Variants in MAP1B observed in about 807,000 individuals in gnomAD.
The protein encoded by MAP1B is microtubule associated protein 1B, also known as microtubule-associated protein 1B.
In MAP1B, 12 loss-of-function variants were observed where a neutral mutation model predicts 176.1. The ratio of observed to expected loss-of-function variants is 0.07; its 90% CI spans 0.04 to 0.11. MAP1B has a LOEUF of 0.11. MAP1B is among the 10% of genes least tolerant of loss of function. The pLI is 1.00. For missense variants in MAP1B, 2,523 were observed against 2,990.5 expected (o/e 0.84, Z 3.65); for synonymous variants, 1,044 against 1,135.0 (o/e 0.92, Z 1.61).
At chr5:72,114,979 T>C (rs1183917525) in intron 1 of MAP1B, among the ~76,000 whole-genome samples, 1 of 152,162 alleles carries the variant, frequency 6.6e-6, no homozygotes, top group Non-Finnish European at 1.5e-5. Context: ...TTTCTTTGCC[T>C]CTGGATAAGA....
chr5:72,107,616 T>C lies in MAP1B; in HGVS notation c.85T>C (p.Ser29Pro), dbSNP rs1745108530. ...GGCGGCGTCCACCTCGCCTAGCCTG[T>C]CGCACCGCTTCCTTGACAGCAAGTT... ...NPAASTSPSLSHRFLDSKFYL... is the reference protein window; with the variant it reads ...NPAASTSPSLPHRFLDSKFYL... Residue 29 changes from serine to proline, a missense_variant, in exon 1 of 7, where the codon TCG (serine) becomes CCG (proline). Ser to Pro is a moderately conservative substitution (Grantham distance 74). This residue lies in a region of MAP1B where 307 missense variants were observed against 438.4 expected (regional missense o/e 0.70). Transcript: ENST00000296755. 6.3e-7 allele frequency: 1 copy of C among 1,599,412 alleles called. No individual in the cohort carries two copies. Among genetic ancestry groups the C allele is most frequent in the African/African-American group, 1.3e-5 (1 of 74,874 alleles).
At chr5:72,203,937 C>T (rs945555497) in intron 6 of MAP1B, 136 bp downstream of exon 6, 13 of 687,812 alleles carry the variant, frequency 1.9e-5, no homozygotes, top group Admixed American at 5.5e-5. Flanking sequence ...CTGTCACACA[C>T]GAAATATCCT....
intron 2 of MAP1B, among the ~76,000 whole-genome samples, chr5:72,180,965 G>A (rs545796181): frequency 5.3e-5 from 8 of 152,276 alleles, no homozygotes; most frequent in South Asian, 4.1e-4. Flanking sequence ...CAGGTGACCC[G>A]GGTCCAAATC....
In MAP1B at chr5:72,183,762, C is replaced by A. The variant is rs745876488; in HGVS notation, c.306C>A (p.His102Gln). The A allele has an allele frequency of 3.1e-6, 5 of 1,613,964 alleles. No homozygotes were observed. In the Admixed American group the frequency reaches 5.0e-5, roughly 16 times the overall value. ...PEVPGQKILHHRSDVLETVVL... is the reference protein window; with the variant it reads ...PEVPGQKILHQRSDVLETVVL... The stretch of plus-strand genomic sequence containing the variant: ...CTGCAGGACAAAAGATCCTTCATCA[C>A]CGAAGTGACGTTTTAGAAACAGTGG... The change falls in exon 3 of 7, where the codon CAC becomes CAA. Residue 102 changes from histidine (H) to glutamine (Q), a missense_variant. Around this residue, in one of 4 missense-constraint regions of MAP1B, gnomAD observed 307 missense variants for 438.4 expected, o/e 0.70. Transcript: ENST00000296755.
intron 2 of MAP1B, among the ~76,000 whole-genome samples, chr5:72,178,218 G>T (rs1035086917): frequency 1.3e-5 from 2 of 152,122 alleles, no homozygotes; most frequent in African/African-American, 2.4e-5. Context: ...GGCCAGGCTG[G>T]TCTCAAACTC....
At chr5:72,126,862 T>A (rs571876239) in intron 2 of MAP1B, among the ~76,000 whole-genome samples, 1 of 152,350 alleles carries the variant, frequency 6.6e-6, no homozygotes, top group Admixed American at 6.5e-5. Context: ...TGTCTTTACC[T>A]TGCAGACAAA....
At chr5:72,132,976 A>C (rs554594455) in intron 2 of MAP1B, among the ~76,000 whole-genome samples, 1 of 152,062 alleles carries the variant, frequency 6.6e-6, no homozygotes, top group Non-Finnish European at 1.5e-5. Context: ...ACTCCTTAGC[A>C]AGGCTGCCCA....
In MAP1B at chr5:72,186,824, T is replaced by TGG. The variant is rs544834189; in HGVS notation, c.510+74_510+75dup. ...GCCTTAGGTTCCTCTTTGAGAGCAC[T>TGG]GGGGGAGACAAAAGAAGAAGGGAGG... On this transcript the variant is annotated intron_variant, in intron 4 of 6. Transcript: ENST00000296755. This position sits in a 1 kb window ranked among gnomAD's most constrained non-coding sequence, Gnocchi z 4.3. 1.3e-6 allele frequency: 2 copies of TGG among 1,562,914 alleles called. No homozygotes were observed. The highest frequency in any genetic ancestry group is 1.7e-6 in the Non-Finnish European group (2 of 1,143,002).
Position 72,198,065 on chromosome 5 carries a change from G to A in MAP1B, c.4710G>A (p.Val1570=). Residue 1570 remains valine (V), a synonymous_variant, in exon 5 of 7, where the codon GTG becomes GTA. Transcript: ENST00000296755. ...SSFPEPTTDD[V]SPSLHAEVGS... ...TTCCAGAGCCAACAACAGATGATGT[G>A]TCTCCATCTCTGCATGCTGAGGTTG... The A allele has an allele frequency of 6.2e-7, 1 of 1,614,190 alleles. No individual in the cohort carries two copies. Among genetic ancestry groups the A allele is most frequent in the Non-Finnish European group, 8.5e-7 (1 of 1,180,038 alleles).
intron 2 of MAP1B, among the ~76,000 whole-genome samples, chr5:72,123,001 A>G (rs1431292972): frequency 6.6e-6 from 1 of 152,110 alleles, no homozygotes; most frequent in Non-Finnish European, 1.5e-5. Flanking sequence ...TCAAGCAAGC[A>G]CAGTCTCTTT....
intron 2 of MAP1B, among the ~76,000 whole-genome samples, chr5:72,181,834 CTT>C (rs1318298901): frequency 6.6e-6 from 1 of 151,800 alleles, no homozygotes; most frequent in Non-Finnish European, 1.5e-5. Context: ...CGATTCTCCT[CTT>C]GTCTCAGCCT....
At chr5:72,145,854 G>A (rs1746035430) in intron 2 of MAP1B, among the ~76,000 whole-genome samples, 1 of 152,178 alleles carries the variant, frequency 6.6e-6, no homozygotes, top group Non-Finnish European at 1.5e-5. Context: ...CATGCATGAA[G>A]CATGACATAT....
intron 4 of MAP1B, among the ~76,000 whole-genome samples, chr5:72,191,449 C>G (rs1300344043): frequency 6.6e-6 from 1 of 152,200 alleles, no homozygotes; most frequent in African/African-American, 2.4e-5. Flanking sequence ...CTCTTAAGAC[C>G]CTGTCTTTGC....
At chr5:72,108,616 C>A (rs1420024617) in intron 1 of MAP1B, among the ~76,000 whole-genome samples, 3 of 152,168 alleles carry the variant, frequency 2.0e-5, no homozygotes, top group Non-Finnish European at 4.4e-5. Context: ...CAGCCTCGGG[C>A]GCACAGAGAG....
chr5:72,197,923 A>C lies in MAP1B; in HGVS notation c.4568A>C (p.Glu1523Ala). 6.2e-7 allele frequency: 1 copy of C among 1,614,206 alleles called. No homozygotes were observed. The highest frequency in any genetic ancestry group is 8.5e-7 in the Non-Finnish European group (1 of 1,180,034). The stretch of plus-strand genomic sequence containing the variant: ...GAAGACACTAAGATGTCCATTTCTG[A>C]AGGTACTGTCTCAGACAAGTCAGCT... Reference protein sequence around the residue: ...FKEDTKMSISEGTVSDKSATP... With the variant: ...FKEDTKMSISAGTVSDKSATP... Residue 1523 changes from glutamate (E) to alanine (A), a missense_variant, in exon 5 of 7, where the codon GAA (glutamate) becomes GCA (alanine). Around this residue, in one of 4 missense-constraint regions of MAP1B, gnomAD observed 1,925 missense variants for 2,126.0 expected, o/e 0.91. Coordinates refer to ENST00000296755, the MANE Select transcript of MAP1B (RefSeq NM_005909.5).
chr5:72,175,284 C>T (rs1393285354), intron 2 of MAP1B, among the ~76,000 whole-genome samples: 1 of 152,012 alleles, frequency 6.6e-6, no homozygotes, highest in Non-Finnish European at 1.5e-5. Flanking sequence ...AGGCTGGTCA[C>T]TGTATTTAAA....
At chr5:72,129,506 G>A (rs1391743977) in intron 2 of MAP1B, among the ~76,000 whole-genome samples, 3 of 151,972 alleles carry the variant, frequency 2.0e-5, no homozygotes, top group East Asian at 1.9e-4. Flanking sequence ...GCAGTGAGCC[G>A]AGATTGTGCC....
In MAP1B at chr5:72,208,550, G is replaced by T. The variant is rs1191950000; in HGVS notation, c.*3311G>T. 1 of 152,090 alleles carries T rather than the reference G, an allele frequency of 6.6e-6. No individual in the cohort carries two copies. The highest frequency in any genetic ancestry group is 2.1e-4 in the South Asian group (1 of 4,820). The allele number at this position is 152,090 out of a possible 1,614,324, so 9.4% of individuals were successfully genotyped here. On this transcript the variant is annotated 3_prime_UTR_variant, in exon 7 of 7. Transcript: ENST00000296755. ...GTCTTGTGGTGGGACTGGATACAAT[G>T]ACTAACTTCCCCTCCTCCCCTCTTT...
Position 72,195,441 on chromosome 5 carries a change from C to T in MAP1B, c.2086C>T (p.Pro696Ser), listed in dbSNP as rs993295062. 3 of 1,572,326 alleles carry T rather than the reference C, an allele frequency of 1.9e-6. No homozygotes were observed. The highest frequency in any genetic ancestry group is 1.7e-6 in the Non-Finnish European group (2 of 1,162,412). Residue 696 changes from proline (P) to serine (S), a missense_variant, in exon 5 of 7, where the codon CCC (proline) becomes TCC (serine). Physicochemically the swap from Pro to Ser is moderately conservative, Grantham distance 74 (BLOSUM62 -1). Around this residue, in one of 4 missense-constraint regions of MAP1B, gnomAD observed 1,925 missense variants for 2,126.0 expected, o/e 0.91. Transcript: ENST00000296755. ...GATCAAGAAAGAAGAGAAAAAAGAA[C>T]CCAAGAAAGAGGTTAAGAAAGAAAC... Reference protein sequence around the residue: ...KEIKKEEKKEPKKEVKKETPP... With the variant: ...KEIKKEEKKESKKEVKKETPP...
Sources: allele counts gnomAD v4.1 joint callset (sites outside exome capture counted in the v4.1 genomes callset), GRCh38; gene constraint gnomAD v4.1.1; regional missense constraint gnomAD v4.1.1; non-coding constraint Gnocchi (gnomAD v3.1); transcripts MANE v1.5; gene names NCBI Gene and HGNC (gene_info 2026-07-23, HGNC 2026-07-21).